NCKAP1: variants seen among roughly 807,000 people sequenced by gnomAD.
The protein encoded by NCKAP1 is NCK associated protein 1.
NCKAP1 carries 21 observed loss-of-function variants against 151.2 expected under a neutral mutation model. The ratio of observed to expected loss-of-function variants is 0.14; its 90% confidence interval spans 0.10 to 0.20. NCKAP1 has a LOEUF of 0.20. Among genes scored for constraint, NCKAP1 ranks in the 10% least tolerant of loss-of-function variants. The pLI, the probability that NCKAP1 is intolerant of heterozygous loss-of-function variation, is 1.00. For missense variants in NCKAP1, 933 were observed against 1,352.1 expected, an observed-to-expected ratio of 0.69 and a Z score of 4.86; for synonymous variants, 484 against 451.8, an observed-to-expected ratio of 1.07 and a Z score of -0.90.
At chr2:183,033,692 A>G (rs1359787471) in intron 1 of NCKAP1, among the ~76,000 whole-genome samples, 2 of 152,220 alleles carry the variant, frequency 1.3e-5, no homozygotes, top group African/African-American at 4.8e-5. Context: ...TTAAAGATGC[A>G]ATTTTATTAC....
chr2:182,993,605 T>C (rs982616139), intron 8 of NCKAP1, among the ~76,000 whole-genome samples: 2 of 152,150 alleles, frequency 1.3e-5, no homozygotes, highest in Non-Finnish European at 2.9e-5. Context: ...GTCATTATCC[T>C]TAGGAAGCTA....
At chr2:182,971,331 T>C (rs1022693330) in intron 15 of NCKAP1, among the ~76,000 whole-genome samples, 2 of 144,938 alleles carry the variant, frequency 1.4e-5, no homozygotes, top group African/African-American at 5.1e-5. Context: ...GAGGCGGAGC[T>C]TGCAGTGAGC....
chr2:182,991,513 C>T (rs1698170351), intron 8 of NCKAP1, among the ~76,000 whole-genome samples: 1 of 152,034 alleles, frequency 6.6e-6, no homozygotes, highest in Admixed American at 6.6e-5. Context: ...GAGCTGAGAT[C>T]ATGCCACTGC....
At chr2:182,930,657 TTA>T in intron 27 of NCKAP1, 36 bp downstream of exon 27, 1 of 1,530,346 alleles carries the variant, frequency 6.5e-7, no homozygotes. Flanking sequence ...CCTGGTAACT[TTA>T]ACTAAGAGTA....
chr2:182,967,365 T>C lies in NCKAP1; in HGVS notation c.1483-4A>G. On this transcript the variant is annotated splice_polypyrimidine_tract_variant and splice_region_variant and intron_variant, in intron 15 of 30. Coordinates refer to ENST00000361354, the MANE Select transcript of NCKAP1 (RefSeq NM_013436.5). ...CCTTTGAGACACTAGTATATGCCTA[T>C]AAAGTACAAAAAAAAAAAAGTAGTT... 1.3e-6 allele frequency: 2 copies of C among 1,567,814 alleles called. No homozygotes were observed. Among genetic ancestry groups the C allele is most frequent in the Non-Finnish European group, 1.7e-6 (2 of 1,162,848 alleles).
At chr2:182,952,119 T>C (rs1697228550) in intron 23 of NCKAP1, among the ~76,000 whole-genome samples, 1 of 152,206 alleles carries the variant, frequency 6.6e-6, no homozygotes, top group Non-Finnish European at 1.5e-5. Flanking sequence ...GAAAACATCA[T>C]GATTCAATAC....
At chr2:182,949,776 C>T (rs1697179264) in intron 23 of NCKAP1, among the ~76,000 whole-genome samples, 1 of 152,236 alleles carries the variant, frequency 6.6e-6, no homozygotes, top group Non-Finnish European at 1.5e-5. Context: ...GCCTGGGTGA[C>T]ACAGCAAGAC....
At chr2:183,027,037 C>A (rs1249297851) in intron 1 of NCKAP1, among the ~76,000 whole-genome samples, 1 of 151,972 alleles carries the variant, frequency 6.6e-6, no homozygotes, top group African/African-American at 2.4e-5. Context: ...TCACTTTAAG[C>A]CTAAACATCT....
chr2:183,034,935 A>C (rs1699074339), intron 1 of NCKAP1, among the ~76,000 whole-genome samples: 1 of 152,098 alleles, frequency 6.6e-6, no homozygotes, highest in South Asian at 2.1e-4. Flanking sequence ...ATGTTAGAGA[A>C]CTCTCAGTGA....
Position 183,003,314 on chromosome 2 carries a change from T to C in NCKAP1, c.231A>G (p.Ala77=), listed in dbSNP as rs1449391793. The change falls in exon 3 of 31, where the codon GCA becomes GCG. Residue 77 remains alanine, a synonymous_variant. Coordinates refer to ENST00000361354, the MANE Select transcript of NCKAP1 (RefSeq NM_013436.5). ...VETRNNNQQL[A]QLQKEKSEIL... Reference sequence around the variant, plus strand: ...TCTCTGATTTTTCTTTCTGTAGTTGTGCAAGCTGTTGCTGTAAAAACAAAA... The same window carrying C: ...TCTCTGATTTTTCTTTCTGTAGTTGCGCAAGCTGTTGCTGTAAAAACAAAA... The C allele has an allele frequency of 6.3e-7, 1 of 1,592,578 alleles. No homozygotes were observed. Among genetic ancestry groups the C allele is most frequent in the Non-Finnish European group, 8.5e-7 (1 of 1,169,854 alleles).
At position 182,978,784 on chromosome 2, in the gene NCKAP1, T is replaced by C. The variant is rs373762047; in HGVS notation, c.1423+50A>G. On this transcript the variant is annotated intron_variant, in intron 14 of 30. Transcript: ENST00000361354. ...TAAATTATCTCCTTAATAATCAAGT[T>C]TGAAAATCTAATTAGAAGAAAATAT... The C allele has an allele frequency of 9.0e-6, 10 of 1,111,470 alleles. No homozygotes were observed. The East Asian group carries it at 2.3e-4, about 26-fold the overall frequency. 68.9% of individuals were successfully genotyped at this position (1,111,470 alleles called of 1,614,324 possible).
intron 23 of NCKAP1, among the ~76,000 whole-genome samples, chr2:182,944,639 G>A (rs1469340244): frequency 2.0e-5 from 3 of 152,048 alleles, no homozygotes; most frequent in African/African-American, 7.2e-5. Context: ...ATATAAAAAA[G>A]CTCTACTTCT....
chr2:182,934,618 A>C lies in NCKAP1; in HGVS notation c.2859+134T>G. The stretch of plus-strand genomic sequence containing the variant: ...TGAGCTCTCAAAGATTCAATTACAA[A>C]GGCAAGCATGCTAACTAACCACTCT... On this transcript the variant is annotated intron_variant, in intron 26 of 30. Coordinates refer to ENST00000361354, the MANE Select transcript of NCKAP1 (RefSeq NM_013436.5). 4 of 561,942 alleles carry C rather than the reference A, an allele frequency of 7.1e-6. No homozygotes were observed. In the South Asian group the frequency reaches 1.0e-4, roughly 14 times the overall value. The allele number at this position is 561,942 out of a possible 1,614,324, so 34.8% of individuals were successfully genotyped here.
chr2:183,009,489 A>AGCAG (rs1553517581), intron 2 of NCKAP1, among the ~76,000 whole-genome samples: 14 of 151,536 alleles, frequency 9.2e-5, no homozygotes, highest in East Asian at 5.8e-4. Context: ...CAAGCAAGCA[A>AGCAG]GCAGGCAAGC....
intron 14 of NCKAP1, among the ~76,000 whole-genome samples, chr2:182,977,361 G>A (rs932575632): frequency 2.0e-5 from 3 of 151,960 alleles, no homozygotes; most frequent in African/African-American, 4.8e-5. Context: ...GTGGTGGTGC[G>A]TGCCTGTAGT....
intron 2 of NCKAP1, among the ~76,000 whole-genome samples, chr2:183,011,793 C>T (rs989980931): frequency 6.6e-6 from 1 of 152,136 alleles, no homozygotes; most frequent in African/African-American, 2.4e-5. Flanking sequence ...TGCTTTCTTC[C>T]TAACTCTGAG....
rs141931443 is a variant in NCKAP1 at position 182,968,185 on chromosome 2, T to C, written c.1483-824A>G. Among the ~76,000 whole-genome samples, 468 of 152,332 alleles carry C rather than the reference T, an allele frequency of 3.1e-3. 2 individuals carry two copies. The highest frequency in any genetic ancestry group is 0.028 in the East Asian group (147 of 5,186). On this transcript the variant is annotated intron_variant, in intron 15 of 30. Coordinates refer to ENST00000361354, the MANE Select transcript of NCKAP1 (RefSeq NM_013436.5). ...TCTATGTGGTGGCCAGTTTTTGTTT[T>C]AGAAAGATTACTCTGTATAGTGAGG...
chr2:182,959,206 T>A (rs1379638779), intron 18 of NCKAP1, among the ~76,000 whole-genome samples: 1 of 152,214 alleles, frequency 6.6e-6, no homozygotes, highest in African/African-American at 2.4e-5. Context: ...TGCATTTCTA[T>A]TGTGACAAAG....
At chr2:182,938,055 C>A (rs1201577883) in intron 24 of NCKAP1, among the ~76,000 whole-genome samples, 2 of 152,174 alleles carry the variant, frequency 1.3e-5, no homozygotes, top group African/African-American at 4.8e-5. Context: ...GGGCCTCAGC[C>A]CCAGAGATCT....
Sources: gnomAD v4.1 joint callset for allele counts (sites outside exome capture counted in the v4.1 genomes callset) on GRCh38, gnomAD v4.1.1 for gene constraint, MANE v1.5 for transcripts, NCBI Gene and HGNC (gene_info 2026-07-23, HGNC 2026-07-21) for gene names.